The following TRPM3 variants were observed in gnomAD, a reference collection of about 807,000 sequenced individuals.
TRPM3 encodes long transient receptor potential channel 3.
Under a neutral mutation model 181.2 loss-of-function variants are expected in TRPM3, and 77 were observed. The ratio of observed to expected loss-of-function variants is 0.42; its 90% CI spans 0.35 to 0.51. The LOEUF is 0.51. Ranked by LOEUF, TRPM3 falls within the 20% of genes least tolerant of loss-of-function variation. The probability of loss-of-function intolerance (pLI) is 0.01; values close to 1 mark genes in which losing one functional copy is unlikely to be tolerated. For synonymous variants in TRPM3, 745 were observed against 796.4 expected, an observed-to-expected ratio of 0.94 and a Z score of 1.09; for missense variants, 1,759 against 2,196.7, an observed-to-expected ratio of 0.80 and a Z score of 3.98.
At chr9:71,362,222 T>C (rs1272173009) in intron 1 of TRPM3, among the ~76,000 whole-genome samples, 1 of 152,208 alleles carries the variant, frequency 6.6e-6, no homozygotes, top group Non-Finnish European at 1.5e-5. Context: ...ACATCTCTCA[T>C]TCCAGGGGGT....
chr9:70,860,266 T>C (rs1052832849), intron 3 of TRPM3, among the ~76,000 whole-genome samples: 4 of 152,160 alleles, frequency 2.6e-5, no homozygotes, highest in African/African-American at 9.7e-5. Flanking sequence ...CAAGACTTTC[T>C]AGTTAAACAG....
intron 1 of TRPM3, among the ~76,000 whole-genome samples, chr9:70,872,671 G>T (rs2095808419): frequency 1.3e-5 from 2 of 151,900 alleles, no homozygotes; most frequent in Admixed American, 6.6e-5. Context: ...GTTCCTGAGG[G>T]CAGTGATTTT....
chr9:70,535,857 T>A lies in TRPM3; in HGVS notation c.*96A>T. ...ATTGCTTGTTTTGCTCAGCTAAGAA[T>A]AAAGCAGGTATGATTCAAGGAAAGG... On this transcript the variant is annotated 3_prime_UTR_variant, in exon 26 of 26. Transcript: ENST00000677713. 6.6e-7 allele frequency: 1 copy of A among 1,516,370 alleles called. No individual in the cohort carries two copies. The highest frequency in any genetic ancestry group is 8.8e-7 in the Non-Finnish European group (1 of 1,137,550). 93.9% of individuals were successfully genotyped at this position (1,516,370 alleles called of 1,614,324 possible).
intron 22 of TRPM3, among the ~76,000 whole-genome samples, chr9:70,583,866 T>C (rs1264694537): frequency 3.3e-5 from 5 of 152,218 alleles, no homozygotes; most frequent in Non-Finnish European, 7.3e-5. Context: ...TACTTCTTTC[T>C]ATCATCTCCT....
chr9:70,888,044 T>A (rs748897841), intron 1 of TRPM3, among the ~76,000 whole-genome samples: 1 of 152,212 alleles, frequency 6.6e-6, no homozygotes, highest in Non-Finnish European at 1.5e-5. Flanking sequence ...AGCAGCCTAT[T>A]TCCCACGGAT....
At chr9:70,580,665 A>G (rs535745154) in intron 22 of TRPM3, among the ~76,000 whole-genome samples, 52 of 152,304 alleles carry the variant, frequency 3.4e-4, no homozygotes, top group Admixed American at 1.4e-3. Flanking sequence ...GGTTTTGTAC[A>G]TAACAGTCCC....
chr9:70,866,452 A>G (rs1441288394), intron 1 of TRPM3, among the ~76,000 whole-genome samples: 1 of 152,036 alleles, frequency 6.6e-6, no homozygotes, highest in Admixed American at 6.6e-5. Flanking sequence ...AGAAAGTTAC[A>G]TGATTTCTTT....
intron 6 of TRPM3, among the ~76,000 whole-genome samples, chr9:70,808,963 T>C (rs2091292612): frequency 1.3e-5 from 2 of 152,190 alleles, no homozygotes; most frequent in Non-Finnish European, 2.9e-5. Context: ...GGTGGTCCCA[T>C]AAGGTAGTAA....
intron 1 of TRPM3, among the ~76,000 whole-genome samples, chr9:71,166,188 C>T (rs1056233975): frequency 2.6e-5 from 4 of 152,140 alleles, no homozygotes; most frequent in Non-Finnish European, 5.9e-5. Context: ...TACAGGGAAA[C>T]TAGCTGACCC....
chr9:70,666,821 T>TTTTTTATCCACCATTCTCTCTTTTATTC (rs2061912180), intron 9 of TRPM3, among the ~76,000 whole-genome samples: 2 of 152,144 alleles, frequency 1.3e-5, no homozygotes, highest in Non-Finnish European at 2.9e-5. Flanking sequence ...ATTGCATTGT[T>TTTTTTATCCACCATTCTCTCTTTTATTC]TTTTTATCCA....
At chr9:71,022,810 A>G (rs926401124) in intron 1 of TRPM3, among the ~76,000 whole-genome samples, 7 of 152,196 alleles carry the variant, frequency 4.6e-5, no homozygotes, top group Admixed American at 2.6e-4. Flanking sequence ...CGTTCTGCAC[A>G]TGTATCCCAG....
intron 1 of TRPM3, among the ~76,000 whole-genome samples, chr9:71,368,193 C>CGGG (rs2092402591): frequency 6.6e-6 from 1 of 152,084 alleles, no homozygotes; most frequent in Non-Finnish European, 1.5e-5. Context: ...ATGAGACTCC[C>CGGG]AATGCTACCA....
intron 22 of TRPM3, among the ~76,000 whole-genome samples, chr9:70,581,193 T>C (rs1014787770): frequency 6.6e-6 from 1 of 152,248 alleles, no homozygotes; most frequent in African/African-American, 2.4e-5. Flanking sequence ...CCTCTATCCT[T>C]AACTCACCAG....
At chr9:70,809,704 C>T (rs911944689) in intron 6 of TRPM3, among the ~76,000 whole-genome samples, 30 of 152,296 alleles carry the variant, frequency 2.0e-4, no homozygotes, top group African/African-American at 5.3e-4. Flanking sequence ...GTAACCCCAT[C>T]GTTAAGCAAT....
chr9:70,924,842 C>A (rs962644834), intron 1 of TRPM3, among the ~76,000 whole-genome samples: 1 of 152,022 alleles, frequency 6.6e-6, no homozygotes, highest in Non-Finnish European at 1.5e-5. Context: ...TCACCTTACC[C>A]CCAACAACCA....
intron 5 of TRPM3, among the ~76,000 whole-genome samples, chr9:70,837,351 C>A (rs35672482): frequency 1.1e-4 from 17 of 151,924 alleles, no homozygotes; most frequent in African/African-American, 3.9e-4. Flanking sequence ...ACATAAGAAC[C>A]CTTACAGGCT....
rs71352369 is a variant in TRPM3, at chr9:71,306,870, TCAA to T, written c.183+139780_183+139782del. On this transcript the variant is annotated intron_variant, in intron 1 of 24. Coordinates refer to the TRPM3 transcript ENST00000357533. ...CCTGGTGACAGAGCGAGACTCCGTC[TCAA>T]CAACAACAACAACAAAAACACCTTA... Among the ~76,000 whole-genome samples the T allele has an allele frequency of 6.6e-5, 10 of 152,000 alleles. No individual in the cohort carries two copies. The East Asian group carries it at 9.6e-4, about 15-fold the overall frequency.
At chr9:71,150,476 GGTGAAATTAAATT>G (rs2134620778) in intron 1 of TRPM3, among the ~76,000 whole-genome samples, 1 of 152,082 alleles carries the variant, frequency 6.6e-6, no homozygotes, top group South Asian at 2.1e-4. Context: ...GTAATTCCCT[GGTGAAATTAAATT>G]GTAAAGAGTA....
At position 70,593,126 on chromosome 9, in the gene TRPM3, C is replaced by A. The variant is rs142181263; in HGVS notation, c.3049-1921G>T. 2.9e-3 allele frequency among the ~76,000 whole-genome samples: 447 copies of A among 152,320 alleles called. 2 individuals are homozygous for A. Among genetic ancestry groups the A allele is most frequent in the Non-Finnish European group, 4.1e-3 (281 of 68,036 alleles). On this transcript the variant is annotated intron_variant, in intron 21 of 25. Coordinates refer to ENST00000677713, the MANE Select transcript of TRPM3 (RefSeq NM_001366145.2). ...ACTGGGGTCTAATCAATTTTCAAGGCAACTTCAAAATGCATCTCACAAGTG... is the reference window on the plus strand; with the variant it reads ...ACTGGGGTCTAATCAATTTTCAAGGAAACTTCAAAATGCATCTCACAAGTG...
Sources: allele counts gnomAD v4.1 joint callset (sites outside exome capture counted in the v4.1 genomes callset), GRCh38; gene constraint gnomAD v4.1.1; transcripts MANE v1.5; gene names NCBI Gene and HGNC (gene_info 2026-07-23, HGNC 2026-07-21).